The following AGTPBP1 variants were observed in gnomAD, a reference collection of about 807,000 sequenced individuals.
The protein encoded by AGTPBP1 is cytosolic carboxypeptidase 1.
A neutral mutation model predicts 143.9 loss-of-function variants in AGTPBP1; 70 were observed. That is an observed-to-expected ratio of 0.49 (90% CI 0.40 to 0.59). The LOEUF is 0.59. Among genes scored for constraint, AGTPBP1 ranks in the 20% least tolerant of loss-of-function variants. The probability of loss-of-function intolerance (pLI) is 0.00; values close to 1 mark genes in which losing one functional copy is unlikely to be tolerated. For missense variants in AGTPBP1, 1,229 were observed against 1,464.5 expected (o/e 0.84, Z 2.62); for synonymous variants, 463 against 500.2 (o/e 0.93, Z 0.99).
At chr9:85,593,663 A>G (rs1829114808) in intron 18 of AGTPBP1, among the ~76,000 whole-genome samples, 1 of 152,198 alleles carries the variant, frequency 6.6e-6, no homozygotes, top group Non-Finnish European at 1.5e-5. Context: ...GGACTTAAAA[A>G]TTCATTGTGG....
rs1381115522 is a variant in AGTPBP1, at chr9:85,642,902, C to G, written c.1227G>C (p.Gln409His). 3 of 1,613,392 alleles carry G rather than the reference C, an allele frequency of 1.9e-6. No homozygotes were observed. The highest frequency in any genetic ancestry group is 1.7e-6 in the Non-Finnish European group (2 of 1,179,838). The change falls in exon 13 of 26, where the codon CAG (glutamine) becomes CAC (histidine). Residue 409 changes from glutamine (Q) to histidine (H), a missense_variant. By Grantham distance (24) the Gln-to-His change is conservative. This residue lies in a region of AGTPBP1 where 743 missense variants were observed against 812.2 expected (regional missense o/e 0.91). Coordinates refer to ENST00000357081, the MANE Select transcript of AGTPBP1 (RefSeq NM_001330701.2). ...IETDINKLKP[Q>H]QEPGRTIEDL... The stretch of plus-strand genomic sequence containing the variant: ...CTTCTATTGTTCGTCCCGGTTCTTG[C>G]TGGGGTTTTAGTTTGTTAATATCTG...
chr9:85,780,852 C>T, the AGTPBP1 span, among the ~76,000 whole-genome samples: 1 of 152,126 alleles, frequency 6.6e-6, no homozygotes, highest in Non-Finnish European at 1.5e-5. Context: ...CACGGTGGCT[C>T]ATGTCTGTAA....
chr9:85,727,244 T>C (rs1234439790), intron 1 of AGTPBP1, among the ~76,000 whole-genome samples: 2 of 152,062 alleles, frequency 1.3e-5, no homozygotes, highest in Non-Finnish European at 2.9e-5. Context: ...GAAGAATCAC[T>C]TGAACCCAGG....
In AGTPBP1 at chr9:85,669,645, T is replaced by C; in HGVS notation, c.569-67A>G. 4.9e-6 allele frequency: 5 copies of C among 1,019,002 alleles called. No individual in the cohort carries two copies. The East Asian group carries it at 1.2e-4, about 25-fold the overall frequency. The allele number at this position is 1,019,002 out of a possible 1,614,324, so 63.1% of individuals were successfully genotyped here. A position where few individuals can be genotyped will look rare whatever the true frequency, so the allele number is the denominator to read the frequency against. Reference sequence around the variant, plus strand: ...GACAACCAAAAATGTGTATACTTAGTGATACATAGGCAAAAACATATACAA... The same window carrying C: ...GACAACCAAAAATGTGTATACTTAGCGATACATAGGCAAAAACATATACAA... On this transcript the variant is annotated intron_variant, in intron 7 of 25. Transcript: ENST00000357081.
At chr9:85,680,024 A>C (rs1392425024) in intron 4 of AGTPBP1, among the ~76,000 whole-genome samples, 1 of 152,186 alleles carries the variant, frequency 6.6e-6, no homozygotes, top group Non-Finnish European at 1.5e-5. Flanking sequence ...CATAGCTACC[A>C]ATCACTCTAT....
rs371574763 is a variant in AGTPBP1, at chr9:85,547,078, T to C, written c.*31A>G. ...ATAAAAACCAAGATATTTCATTTAT[T>C]CTTTGCAGTTAACAAGAGATGGCAG... On this transcript the variant is annotated 3_prime_UTR_variant, in exon 26 of 26. Transcript: ENST00000357081. 96 of 1,560,298 alleles carry C rather than the reference T, an allele frequency of 6.2e-5. No homozygotes were observed. The highest frequency in any genetic ancestry group is 7.7e-5 in the Non-Finnish European group (89 of 1,156,430).
At chr9:85,766,106 C>T in the AGTPBP1 span, among the ~76,000 whole-genome samples, 18 of 148,604 alleles carry the variant, frequency 1.2e-4, no homozygotes, top group African/African-American at 4.3e-4. Context: ...TATTACTAAG[C>T]TCTATAGAAG....
chr9:85,597,741 CTAA>C (rs1254473713), intron 17 of AGTPBP1, among the ~76,000 whole-genome samples: 1 of 152,132 alleles, frequency 6.6e-6, no homozygotes, highest in Non-Finnish European at 1.5e-5. Flanking sequence ...TTTTCAACAT[CTAA>C]TAATAGAATC....
At chr9:85,637,497 G>A (rs1294029911) in intron 13 of AGTPBP1, among the ~76,000 whole-genome samples, 1 of 152,180 alleles carries the variant, frequency 6.6e-6, no homozygotes, top group African/African-American at 2.4e-5. Context: ...AAGAACCACT[G>A]TTATATGCAG....
intron 11 of AGTPBP1, among the ~76,000 whole-genome samples, chr9:85,646,909 AC>A (rs1430853390): frequency 1.3e-5 from 2 of 152,040 alleles, no homozygotes; most frequent in African/African-American, 2.4e-5. Context: ...CATAAAATAC[AC>A]TAATACCAAC....
At chr9:85,796,190 C>T in the AGTPBP1 span, among the ~76,000 whole-genome samples, 1 of 152,038 alleles carries the variant, frequency 6.6e-6, no homozygotes, top group Non-Finnish European at 1.5e-5. Flanking sequence ...ACACATACCC[C>T]TCACAAAGAA....
Position 85,575,356 on chromosome 9 carries a change from G to A in AGTPBP1, c.3462C>T (p.Asp1154=), listed in dbSNP as rs1827832586. 6.2e-7 allele frequency: 1 copy of A among 1,601,634 alleles called. No homozygotes were observed. Residue 1154 remains aspartate (D), a synonymous_variant, in exon 25 of 26, where the codon GAC becomes GAT. Transcript: ENST00000357081. ...LEYNLPSSLL[D]FENDLIESSC... ...TTGATTCAATTAAATCATTTTCAAA[G>A]TCAAGCAGGCTGGAAGGCAGATTAT... is the stretch of plus-strand genomic sequence containing the variant.
intron 24 of AGTPBP1, among the ~76,000 whole-genome samples, chr9:85,578,501 A>G (rs1828035065): frequency 6.6e-6 from 1 of 152,144 alleles, no homozygotes; most frequent in South Asian, 2.1e-4. Flanking sequence ...ACATACAAAA[A>G]CCTAAATATA....
intron 1 of AGTPBP1, among the ~76,000 whole-genome samples, chr9:85,727,409 A>C (rs2134693770): frequency 6.6e-6 from 1 of 152,304 alleles, no homozygotes; most frequent in African/African-American, 2.4e-5. Flanking sequence ...TAGGAAAGGA[A>C]ATTTTTAAAG....
chr9:85,710,815 G>A (rs571697416), intron 2 of AGTPBP1, among the ~76,000 whole-genome samples: 2 of 152,200 alleles, frequency 1.3e-5, no homozygotes, highest in East Asian at 1.9e-4. Context: ...CAATGATCTA[G>A]TAATTTTAGA....
At chr9:85,688,656 T>C (rs1016118674) in intron 3 of AGTPBP1, among the ~76,000 whole-genome samples, 37 of 152,316 alleles carry the variant, frequency 2.4e-4, no homozygotes, top group Non-Finnish European at 5.0e-4. Context: ...AAGTGGATAA[T>C]AGAAATGTTT....
At chr9:85,707,660 T>C (rs1405043345) in intron 2 of AGTPBP1, among the ~76,000 whole-genome samples, 3 of 152,246 alleles carry the variant, frequency 2.0e-5, no homozygotes, top group Admixed American at 1.3e-4. Context: ...ATTAGCTTCC[T>C]AACATTTTCA....
Position 85,741,905 on chromosome 9 carries a change from A to AGGCGGC in AGTPBP1, c.-170_-165dup, listed in dbSNP as rs199589522. ...CAAACCCCGGTGGCAGGCGAGGCGG[A>AGGCGGC]GGCGGCGGCGGCGGCAGCTGCGGCG... On this transcript the variant is annotated 5_prime_UTR_variant, in exon 1 of 26. Transcript: ENST00000357081. The AGGCGGC allele has an allele frequency of 6.5e-3, 8,695 of 1,335,974 alleles. 50 individuals are homozygous for AGGCGGC. Among genetic ancestry groups the AGGCGGC allele is most frequent in the African/African-American group, 0.017 (1,119 of 65,134 alleles). 82.8% of individuals were successfully genotyped at this position (1,335,974 alleles called of 1,614,324 possible).
intron 6 of AGTPBP1, among the ~76,000 whole-genome samples, chr9:85,675,255 C>T (rs1834753714): frequency 6.6e-6 from 1 of 152,112 alleles, no homozygotes; most frequent in African/African-American, 2.4e-5. Flanking sequence ...AATCTTTGTG[C>T]AAGTAGACAA....
Sources: gnomAD v4.1 joint callset for allele counts (sites outside exome capture counted in the v4.1 genomes callset) on GRCh38, gnomAD v4.1.1 for gene constraint, gnomAD v4.1.1 regional missense constraint, MANE v1.5 for transcripts, NCBI Gene and HGNC (gene_info 2026-07-23, HGNC 2026-07-21) for gene names.